The following CTNNA3 variants were observed in gnomAD, a reference collection of about 807,000 sequenced individuals.
The protein encoded by CTNNA3 is catenin alpha 3.
Under a neutral mutation model 95.7 loss-of-function variants are expected in CTNNA3, and 76 were observed. The ratio of observed to expected loss-of-function variants is 0.79; its 90% confidence interval spans 0.66 to 0.96. The LOEUF (loss-of-function observed/expected upper bound fraction) is 0.96. CTNNA3 is among the 40% of genes least tolerant of loss of function. CTNNA3 has a pLI of 0.00. For synonymous variants in CTNNA3, 431 were observed against 374.4 expected (o/e 1.15, Z -1.74); for missense variants, 1,191 against 1,089.8 (o/e 1.09, Z -1.31).
At chr10:67,269,656 A>G (rs1838874918) in intron 5 of CTNNA3, among the ~76,000 whole-genome samples, 1 of 152,188 alleles carries the variant, frequency 6.6e-6, no homozygotes, top group South Asian at 2.1e-4. Flanking sequence ...TCCTCCAAAA[A>G]AATGCAAATA....
intron 13 of CTNNA3, among the ~76,000 whole-genome samples, chr10:66,265,737 T>C (rs988114046): frequency 6.6e-6 from 1 of 151,956 alleles, no homozygotes; most frequent in Admixed American, 6.6e-5. Flanking sequence ...CTCCTCAGAG[T>C]GTAAAAGACT....
chr10:66,037,784 C>G (rs2079597976), intron 15 of CTNNA3, among the ~76,000 whole-genome samples: 1 of 152,222 alleles, frequency 6.6e-6, no homozygotes, highest in Non-Finnish European at 1.5e-5. Context: ...TCATCAACCT[C>G]TCCCGTGTTG....
intron 7 of CTNNA3, among the ~76,000 whole-genome samples, chr10:66,862,480 T>C (rs1257663530): frequency 1.3e-5 from 2 of 152,082 alleles, no homozygotes; most frequent in African/African-American, 2.4e-5. Flanking sequence ...TACTCTAGAA[T>C]GATGGTCAAC....
At chr10:66,359,803 G>T (rs186868697) in intron 12 of CTNNA3, among the ~76,000 whole-genome samples, 21 of 150,358 alleles carry the variant, frequency 1.4e-4, no homozygotes, top group African/African-American at 5.1e-4. Flanking sequence ...TGATGTAATT[G>T]CATGCCATTG....
In CTNNA3 at chr10:67,583,464, T is replaced by C. The variant is rs1842492269; in HGVS notation, c.292+23393A>G. ...GATGGGCTTCCCTTTGTGGGTAACC[T>C]GATCTTTCTCTCTGGCTGCCCTTAA... On this transcript the variant is annotated intron_variant, in intron 3 of 17. Coordinates refer to ENST00000433211, the MANE Select transcript of CTNNA3 (RefSeq NM_013266.4). 2.0e-5 allele frequency among the ~76,000 whole-genome samples: 3 copies of C among 152,322 alleles called. No homozygotes were observed. The South Asian group carries it at 6.2e-4, about 32-fold the overall frequency.
At chr10:67,664,119 A>T (rs1490199017) in intron 1 of CTNNA3, among the ~76,000 whole-genome samples, 2 of 152,232 alleles carry the variant, frequency 1.3e-5, no homozygotes, top group African/African-American at 4.8e-5. Context: ...TTTATTTTTT[A>T]AAATTGTAGG....
chr10:67,729,441 C>G lies in CTNNA3; in HGVS notation c.-2+33993G>C, dbSNP rs1841262478. ...TGTACCATTACATTTCTAAACATCC[C>G]AAAACAAAAACAATAAAGACAATGT... On this transcript the variant is annotated intron_variant, in intron 1 of 17. Coordinates refer to the CTNNA3 transcript ENST00000684154. 2.0e-5 allele frequency among the ~76,000 whole-genome samples: 3 copies of G among 151,986 alleles called. No homozygotes were observed. In the South Asian group the frequency reaches 6.2e-4, roughly 31 times the overall value.
intron 13 of CTNNA3, among the ~76,000 whole-genome samples, chr10:66,240,020 T>C (rs2090035327): frequency 6.6e-6 from 1 of 152,000 alleles, no homozygotes; most frequent in Admixed American, 6.6e-5. Context: ...CTATATAGAT[T>C]AATCTATATC....
intron 11 of CTNNA3, among the ~76,000 whole-genome samples, chr10:66,442,235 C>A (rs74955551): frequency 0.062 from 9,401 of 152,132 alleles, 583 homozygotes; most frequent in East Asian, 0.23. Flanking sequence ...AGGTTATATG[C>A]CAATAGTACA....
chr10:66,617,341 C>T (rs1844555219), intron 10 of CTNNA3, among the ~76,000 whole-genome samples: 1 of 151,468 alleles, frequency 6.6e-6, no homozygotes, highest in East Asian at 2.0e-4. Flanking sequence ...AATCCAGCAG[C>T]ACATCAAAAA....
At chr10:67,349,822 G>C (rs1221978946) in intron 5 of CTNNA3, among the ~76,000 whole-genome samples, 6 of 152,048 alleles carry the variant, frequency 3.9e-5, no homozygotes, top group South Asian at 2.1e-4. Context: ...CCTCAGCCTA[G>C]AGCTCCCAGG....
intron 9 of CTNNA3, among the ~76,000 whole-genome samples, chr10:66,665,316 C>A (rs1412571190): frequency 7.9e-5 from 12 of 152,156 alleles, no homozygotes; most frequent in African/African-American, 2.7e-4. Context: ...TGGATTTCTG[C>A]CAGACCCTTC....
At chr10:67,085,296 T>G (rs1857242778) in intron 7 of CTNNA3, among the ~76,000 whole-genome samples, 1 of 151,902 alleles carries the variant, frequency 6.6e-6, no homozygotes, top group Non-Finnish European at 1.5e-5. Flanking sequence ...CTAGTCTTCT[T>G]GTTTATTATT....
chr10:67,514,789 G>A (rs1839759329), intron 5 of CTNNA3, among the ~76,000 whole-genome samples: 1 of 146,962 alleles, frequency 6.8e-6, no homozygotes, highest in Admixed American at 6.9e-5. Context: ...CCATAACAAA[G>A]AATTAACTTG....
intron 11 of CTNNA3, among the ~76,000 whole-genome samples, chr10:66,383,570 C>A (rs931888384): frequency 1.3e-5 from 2 of 152,160 alleles, no homozygotes; most frequent in Non-Finnish European, 2.9e-5. Context: ...GGCAGGCCAA[C>A]ATTCAAATTC....
At chr10:67,629,158 TA>T (rs549791189) in intron 2 of CTNNA3, among the ~76,000 whole-genome samples, 17 of 149,262 alleles carry the variant, frequency 1.1e-4, no homozygotes, top group Non-Finnish European at 1.5e-4. Flanking sequence ...TCTCCAGAGT[TA>T]AAAAAAAAAC....
intron 16 of CTNNA3, among the ~76,000 whole-genome samples, chr10:65,986,539 T>C (rs773939081): frequency 1.9e-4 from 28 of 151,310 alleles, no homozygotes; most frequent in Non-Finnish European, 3.0e-5. Flanking sequence ...TATTAAACTA[T>C]AAAATATTGA....
intron 11 of CTNNA3, among the ~76,000 whole-genome samples, chr10:66,466,197 C>A (rs1466749553): frequency 6.6e-6 from 1 of 151,986 alleles, no homozygotes; most frequent in Non-Finnish European, 1.5e-5. Flanking sequence ...AACATCAACT[C>A]TTCCCTGGGT....
intron 9 of CTNNA3, among the ~76,000 whole-genome samples, chr10:66,719,161 G>T (rs892898327): frequency 2.6e-5 from 4 of 152,176 alleles, no homozygotes; most frequent in Admixed American, 6.5e-5. Context: ...TATTTTCAAT[G>T]TTTATTTCAT....
Sources: allele counts gnomAD v4.1 joint callset (sites outside exome capture counted in the v4.1 genomes callset), GRCh38; gene constraint gnomAD v4.1.1; transcripts MANE v1.5; gene names NCBI Gene and HGNC (gene_info 2026-07-23, HGNC 2026-07-21).